ABCC6: variants seen among roughly 807,000 people sequenced by gnomAD.
ABCC6 encodes ATP binding cassette subfamily C member 6.
A neutral mutation model predicts 169.5 loss-of-function variants in ABCC6; 126 were observed. The ratio of observed to expected loss-of-function variants is 0.74; its 90% CI spans 0.64 to 0.86. The LOEUF (loss-of-function observed/expected upper bound fraction) is 0.86. Among genes scored for constraint, ABCC6 ranks in the 40% least tolerant of loss-of-function variants. The probability of loss-of-function intolerance (pLI) is 0.00; values close to 1 mark genes in which losing one functional copy is unlikely to be tolerated. For missense variants in ABCC6, 1,733 were observed against 1,927.2 expected, an observed-to-expected ratio of 0.90 and a Z score of 1.89; for synonymous variants, 752 against 814.7, an observed-to-expected ratio of 0.92 and a Z score of 1.31.
At chr16:16,197,959 G>A in intron 10 of ABCC6, 62 bp downstream of exon 10, 1 of 1,520,346 alleles carries the variant, frequency 6.6e-7, no homozygotes, top group Admixed American at 1.9e-5. Flanking sequence ...GGGGGAAGGA[G>A]GAGGGGGAGA....
intron 25 of ABCC6, among the ~76,000 whole-genome samples, 198 bp downstream of exon 25, chr16:16,161,240 G>A (rs913398902): frequency 2.8e-5 from 4 of 142,890 alleles, no homozygotes; most frequent in Non-Finnish European, 6.4e-5. Context: ...CACTCCACAA[G>A]GAAAGACTCT....
Position 16,182,552 on chromosome 16 carries a change from G to C in ABCC6, c.2107C>G (p.Gln703Glu), listed in dbSNP as rs536095313. ...ACATTCTCTACCACAGAGGTGTTCT[G>C]CACCCAGGCCTCCTGGGGCACGTAG... ...VAYVPQEAWV[Q>E]NTSVVENVCF... Residue 703 changes from glutamine (Q) to glutamate (E), a missense_variant, in exon 17 of 31, where the codon CAG becomes GAG. By Grantham distance (29) the Gln-to-Glu change is conservative. Around this residue, in one of 5 missense-constraint regions of ABCC6, gnomAD observed 1,601 missense variants for 1,635.5 expected, o/e 0.98. Coordinates refer to ENST00000205557, the MANE Select transcript of ABCC6 (RefSeq NM_001171.6). The C allele has an allele frequency of 8.7e-6, 14 of 1,613,542 alleles. No homozygotes were observed. The South Asian group carries it at 1.5e-4, about 18-fold the overall frequency.
Position 16,212,367 on chromosome 16 carries a change from G to A in ABCC6, c.601-121C>T, listed in dbSNP as rs529001934. 26 of 747,944 alleles carry A rather than the reference G, an allele frequency of 3.5e-5. 1 individual carries two copies. Among genetic ancestry groups the A allele is most frequent in the South Asian group, 3.0e-4 (20 of 67,448 alleles). 46.3% of individuals were successfully genotyped at this position (747,944 alleles called of 1,614,324 possible). ...TCTGTTGCCCAGGCCAGAGTACAGC[G>A]GTGTGATCTTGGCTCACTACTACCT... On this transcript the variant is annotated intron_variant, in intron 5 of 30. Coordinates refer to ENST00000205557, the MANE Select transcript of ABCC6 (RefSeq NM_001171.6).
At position 16,190,172 on chromosome 16, in the gene ABCC6, T is replaced by C. The variant is rs1207983344; in HGVS notation, c.1627A>G (p.Thr543Ala). 2 of 1,613,448 alleles carry C rather than the reference T, an allele frequency of 1.2e-6. No homozygotes were observed. The highest frequency in any genetic ancestry group is 1.7e-6 in the Non-Finnish European group (2 of 1,179,932). ...SVSLVSFQVS[T>A]FLVALVVFAV... ...GACTAGAGTGACGTCACCAGAAATG[T>C]AGACACTTGGAAGGACACCAGCGAC... is the stretch of plus-strand genomic sequence containing the variant. The change falls in exon 12 of 31, where the codon ACA becomes GCA. Residue 543 changes from threonine (T) to alanine (A), a missense_variant. Thr to Ala is a moderately conservative substitution (Grantham distance 58). This residue lies in a region of ABCC6 where 1,601 missense variants were observed against 1,635.5 expected (regional missense o/e 0.98). Transcript: ENST00000205557.
intron 13 of ABCC6, among the ~76,000 whole-genome samples, chr16:16,187,907 TTAAATAAA>T (rs200447479): frequency 2.6e-3 from 222 of 86,296 alleles, no homozygotes; most frequent in Middle Eastern, 5.7e-3. Context: ...AATAAATAAA[TTAAATAAA>T]TAAATAAATA....
At chr16:16,159,439 A>G in intron 26 of ABCC6, 43 bp downstream of exon 26, 9 of 1,454,216 alleles carry the variant, frequency 6.2e-6, no homozygotes, top group Non-Finnish European at 8.7e-6. Flanking sequence ...CCCCCCCACA[A>G]TATGTCCTTG....
Position 16,163,067 on chromosome 16 carries a change from G to T in ABCC6, c.3432C>A (p.Ala1144=), listed in dbSNP as rs2046772818. 4 of 1,613,880 alleles carry T rather than the reference G, an allele frequency of 2.5e-6. No homozygotes were observed. Among genetic ancestry groups the T allele is most frequent in the Non-Finnish European group, 2.5e-6 (3 of 1,180,028 alleles). The change falls in exon 24 of 31, where the codon GCC becomes GCA. Residue 1144 remains alanine (A), a synonymous_variant. Transcript: ENST00000205557. ...STVVRAFRTQ[A]PFVAQNNARV... ...GAGCATTGTTCTGAGCCACAAAGGG[G>T]GCCTGGGTTCGGAATGCCCGGACCA...
intron 16 of ABCC6, 38 bp downstream of exon 16, chr16:16,182,766 T>C: frequency 1.2e-6 from 2 of 1,612,886 alleles, no homozygotes; most frequent in Non-Finnish European, 1.7e-6. Flanking sequence ...ACTTTCAGGA[T>C]GGGGACATCC....
At position 16,169,634 on chromosome 16, in the gene ABCC6, G is replaced by A. The variant is rs1378468808; in HGVS notation, c.2995+12C>T. ...TGGGAGGAGAGGGATGAGGAGGGCAGGTGAGGCGTACCTTGGAGACAGCCG... is the reference window on the plus strand; with the variant it reads ...TGGGAGGAGAGGGATGAGGAGGGCAAGTGAGGCGTACCTTGGAGACAGCCG... On this transcript the variant is annotated intron_variant, in intron 22 of 30. Transcript: ENST00000205557. 6.2e-7 allele frequency: 1 copy of A among 1,610,110 alleles called. No individual in the cohort carries two copies. Among genetic ancestry groups the A allele is most frequent in the Non-Finnish European group, 8.5e-7 (1 of 1,179,488 alleles).
rs139251073 is a variant in ABCC6 at position 16,179,793 on chromosome 16, G to A, written c.2248-828C>T. On this transcript the variant is annotated intron_variant, in intron 17 of 30. Coordinates refer to ENST00000205557, the MANE Select transcript of ABCC6 (RefSeq NM_001171.6). ...TTTAGTAGAGATGGGGTTTCACCAT[G>A]GTGGCCAGGCTGGTCTCGAACTCCT... Among the ~76,000 whole-genome samples, 150 of 152,290 alleles carry A rather than the reference G, an allele frequency of 9.8e-4. 1 individual carries two copies. The highest frequency in any genetic ancestry group is 3.3e-3 in the African/African-American group (137 of 41,536).
At chr16:16,150,381 G>T in intron 30 of ABCC6, 140 bp from the exon 31 acceptor site, 3 of 1,528,690 alleles carry the variant, frequency 2.0e-6, no homozygotes, top group African/African-American at 1.4e-5. Context: ...CTCACAGCTG[G>T]GTTGGAAGCG....
intron 4 of ABCC6, among the ~76,000 whole-genome samples, chr16:16,219,325 C>T (rs917763080): frequency 1.1e-4 from 16 of 152,008 alleles, no homozygotes; most frequent in African/African-American, 2.4e-4. Flanking sequence ...GCAAGTGGCA[C>T]GTGTGATGTG....
rs753770933 is a variant in ABCC6, at chr16:16,190,140, G to C, written c.1635+24C>G. On this transcript the variant is annotated intron_variant, in intron 12 of 30. Transcript: ENST00000205557. ...CGCACTCCTTCCCCAGTGCTGCTCA[G>C]CATAGAGACTAGAGTGACGTCACCA... 3.1e-6 allele frequency: 5 copies of C among 1,612,018 alleles called. No individual in the cohort carries two copies. The South Asian group carries it at 5.5e-5, about 18-fold the overall frequency.
At chr16:16,215,193 G>A (rs2048816591) in intron 4 of ABCC6, among the ~76,000 whole-genome samples, 3 of 152,114 alleles carry the variant, frequency 2.0e-5, no homozygotes, top group South Asian at 2.1e-4. Flanking sequence ...GAGCACATGC[G>A]GCATTCTTGC....
intron 10 of ABCC6, among the ~76,000 whole-genome samples, chr16:16,197,066 TTTTG>T (rs1021293130): frequency 6.6e-6 from 1 of 150,820 alleles, no homozygotes; most frequent in Non-Finnish European, 1.5e-5. Flanking sequence ...AAAGTAAATG[TTTTG>T]TTTGTTTTGT....
At chr16:16,166,287 G>T (rs1177242063) in intron 22 of ABCC6, among the ~76,000 whole-genome samples, 3 of 152,152 alleles carry the variant, frequency 2.0e-5, no homozygotes, top group Non-Finnish European at 4.4e-5. Flanking sequence ...GGGATCAAGT[G>T]ATCTGCCTGC....
chr16:16,183,499 G>A (rs1427117588), intron 15 of ABCC6, among the ~76,000 whole-genome samples: 2 of 152,082 alleles, frequency 1.3e-5, no homozygotes, highest in Non-Finnish European at 2.9e-5. Flanking sequence ...AGCTAAACCC[G>A]CCAGCACTCC....
intron 10 of ABCC6, among the ~76,000 whole-genome samples, chr16:16,195,791 C>A (rs377644586): frequency 1.3e-5 from 2 of 152,254 alleles, no homozygotes; most frequent in African/African-American, 2.4e-5. Flanking sequence ...GTTTGCAAGG[C>A]CCTGGAATAC....
chr16:16,173,029 G>A (rs1380679703), intron 21 of ABCC6: 4 of 540,540 alleles, frequency 7.4e-6, no homozygotes, highest in Middle Eastern at 5.1e-4. Flanking sequence ...GTGAGTGAGC[G>A]AGCCACTTTC....
Sources: allele counts gnomAD v4.1 joint callset (sites outside exome capture counted in the v4.1 genomes callset), GRCh38; gene constraint gnomAD v4.1.1; regional missense constraint gnomAD v4.1.1; transcripts MANE v1.5; gene names NCBI Gene and HGNC (gene_info 2026-07-23, HGNC 2026-07-21).